RPTOR: variants seen among roughly 807,000 people sequenced by gnomAD.
RPTOR encodes regulatory associated protein of MTOR complex 1, also known as regulatory-associated protein of mTOR.
In RPTOR, 21 loss-of-function variants were observed where a neutral mutation model predicts 169.9. The observed-to-expected ratio is 0.12, with a 90% CI of 0.09 to 0.18. RPTOR has a LOEUF of 0.18. RPTOR is among the 10% of genes least tolerant of loss of function. The pLI, the probability that RPTOR is intolerant of heterozygous loss-of-function variation, is 1.00. For missense variants in RPTOR, 1,133 were observed against 1,855.9 expected, an observed-to-expected ratio of 0.61 and a Z score of 7.16; for synonymous variants, 732 against 753.2, an observed-to-expected ratio of 0.97 and a Z score of 0.46.
chr17:80,653,852 C>CT (rs2065659427), intron 3 of RPTOR, among the ~76,000 whole-genome samples: 1 of 152,218 alleles, frequency 6.6e-6, no homozygotes, highest in Non-Finnish European at 1.5e-5. Context: ...TGTTCACATC[C>CT]TAGTGGTCCC....
intron 6 of RPTOR, among the ~76,000 whole-genome samples, chr17:80,788,338 G>A (rs2067014660): frequency 6.6e-6 from 1 of 152,022 alleles, no homozygotes; most frequent in African/African-American, 2.4e-5. Flanking sequence ...CGGGCATGGT[G>A]GCGGGAGGCT....
chr17:80,629,343 G>A (rs56407431), intron 2 of RPTOR, among the ~76,000 whole-genome samples: 3,018 of 150,244 alleles, frequency 0.02, 109 homozygotes, highest in African/African-American at 0.071. Flanking sequence ...GTATTGTGTC[G>A]TTGGACATTG....
chr17:80,958,985 G>A (rs62068553), intron 29 of RPTOR, among the ~76,000 whole-genome samples: 1 of 152,188 alleles, frequency 6.6e-6, no homozygotes, highest in Non-Finnish European at 1.5e-5. Flanking sequence ...CCTCTCTCCC[G>A]GGCAGGCCAT....
chr17:80,643,919 T>G, intron 3 of RPTOR, 109 bp downstream of exon 3: 3 of 832,776 alleles, frequency 3.6e-6, no homozygotes, highest in Non-Finnish European at 5.7e-6. Context: ...CACCCTGCCC[T>G]TGTGTGGCAT....
At chr17:80,682,588 C>G (rs1435685614) in intron 3 of RPTOR, among the ~76,000 whole-genome samples, 14 of 152,214 alleles carry the variant, frequency 9.2e-5, no homozygotes. Context: ...GAGGCGTGCC[C>G]ACGGCCACCA....
At chr17:80,760,005 A>G (rs1052989202) in intron 6 of RPTOR, among the ~76,000 whole-genome samples, 1 of 152,142 alleles carries the variant, frequency 6.6e-6, no homozygotes, top group Non-Finnish European at 1.5e-5. Context: ...TCCCTGCCCT[A>G]GATCATTAGA....
At chr17:80,733,585 C>G (rs959577194) in intron 5 of RPTOR, among the ~76,000 whole-genome samples, 1 of 152,160 alleles carries the variant, frequency 6.6e-6, no homozygotes, top group African/African-American at 2.4e-5. Context: ...TTTAGATTAT[C>G]AGTGGGCTTT....
intron 6 of RPTOR, among the ~76,000 whole-genome samples, chr17:80,768,159 A>C (rs1406775259): frequency 1.3e-5 from 2 of 152,086 alleles, no homozygotes; most frequent in African/African-American, 4.8e-5. Flanking sequence ...ACCGCGCCTG[A>C]CCACGTGAAT....
At position 80,822,220 on chromosome 17, in the gene RPTOR, G is replaced by A. The variant is rs750696876; in HGVS notation, c.910G>A (p.Asp304Asn). 3 of 1,614,168 alleles carry A rather than the reference G, an allele frequency of 1.9e-6. No individual in the cohort carries two copies. The highest frequency in any genetic ancestry group is 1.7e-6 in the Non-Finnish European group (2 of 1,180,010). ...TTCTAGGATCCCTGGCCGCCTGAAC[G>A]ACAGGAGGACGCCCCTGGGTGAACT... ...LIEKIPGRLN[D>N]RRTPLGELNW... Residue 304 changes from aspartate to asparagine, a missense_variant, in exon 8 of 34, where the codon GAC (aspartate) becomes AAC (asparagine). Around this residue, in one of 9 missense-constraint regions of RPTOR, gnomAD observed 289 missense variants for 585.8 expected, o/e 0.49. Transcript: ENST00000306801.
intron 13 of RPTOR, among the ~76,000 whole-genome samples, chr17:80,864,349 T>C (rs1438146199): frequency 2.1e-5 from 3 of 143,336 alleles, no homozygotes; most frequent in African/African-American, 5.7e-5. Flanking sequence ...CTTACAGATT[T>C]CCTACAGATG....
chr17:80,742,770 A>T (rs1300995850), intron 5 of RPTOR, among the ~76,000 whole-genome samples: 2 of 152,062 alleles, frequency 1.3e-5, no homozygotes, highest in African/African-American at 2.4e-5. Context: ...AGACACGCAC[A>T]TGTATACATG....
At chr17:80,821,775 G>A (rs1389580687) in intron 7 of RPTOR, among the ~76,000 whole-genome samples, 1 of 152,190 alleles carries the variant, frequency 6.6e-6, no homozygotes, top group Non-Finnish European at 1.5e-5. Context: ...TAGACCTTGC[G>A]GGCGAGACTC....
intron 20 of RPTOR, among the ~76,000 whole-genome samples, chr17:80,903,605 A>G (rs990645675): frequency 6.6e-6 from 1 of 152,178 alleles, no homozygotes; most frequent in African/African-American, 2.4e-5. Flanking sequence ...GCTGGCCTCG[A>G]ACTCTTGGGC....
intron 28 of RPTOR, 126 bp downstream of exon 28, chr17:80,949,673 T>C: frequency 1.3e-6 from 1 of 743,390 alleles, no homozygotes; most frequent in Non-Finnish European, 2.3e-6. Context: ...CCCAGAATCC[T>C]AAAGCAACAG....
Position 80,940,299 on chromosome 17 carries a change from G to A in RPTOR, c.2920-197G>A, listed in dbSNP as rs1336883503. 5.7e-6 allele frequency: 3 copies of A among 526,388 alleles called. No individual in the cohort carries two copies. In the African/African-American group the frequency reaches 5.9e-5, roughly 10 times the overall value. The allele number at this position is 526,388 out of a possible 1,614,324, so 32.6% of individuals were successfully genotyped here. ...ACAGCGTTGACACTGTGTCGGGTAT[G>A]GCGGGCAAGCTAGCGAGGGTTTGAG... On this transcript the variant is annotated intron_variant, in intron 24 of 33. Coordinates refer to ENST00000306801, the MANE Select transcript of RPTOR (RefSeq NM_020761.3).
rs1400649971 is a variant in RPTOR, at chr17:80,844,976, G to T, written c.1213-1497G>T. 9.6e-5 allele frequency among the ~76,000 whole-genome samples: 14 copies of T among 145,280 alleles called. No homozygotes were observed. The highest frequency in any genetic ancestry group is 1.5e-4 in the Non-Finnish European group (10 of 65,998). ...GGATGGGAGAGAGAGGCTGGTAGTT[G>T]TTTTTTTTTTTTTCTTTAATTCTTT... On this transcript the variant is annotated intron_variant, in intron 10 of 33. Transcript: ENST00000306801. The surrounding 1 kb of genome is among the most constrained non-coding windows in gnomAD (Gnocchi z 4.7).
intron 1 of RPTOR, among the ~76,000 whole-genome samples, chr17:80,563,301 G>A (rs1015962188): frequency 6.6e-6 from 1 of 151,842 alleles, no homozygotes; most frequent in Non-Finnish European, 1.5e-5. Flanking sequence ...TGAGGAGGCT[G>A]AGGCGGGTGG....
At chr17:80,846,862 G>A (rs1366167563) in intron 11 of RPTOR, among the ~76,000 whole-genome samples, 1 of 152,212 alleles carries the variant, frequency 6.6e-6, no homozygotes, top group Admixed American at 6.5e-5. Flanking sequence ...TTTGGGACTG[G>A]GGAGTCATCA....
intron 4 of RPTOR, among the ~76,000 whole-genome samples, chr17:80,716,492 T>C (rs1477133401): frequency 6.6e-6 from 1 of 151,536 alleles, no homozygotes; most frequent in Non-Finnish European, 1.5e-5. Context: ...GTGTAGATTG[T>C]TAAGATTTTC....
Sources: gnomAD v4.1 joint callset for allele counts (sites outside exome capture counted in the v4.1 genomes callset) on GRCh38, gnomAD v4.1.1 for gene constraint, gnomAD v4.1.1 regional missense constraint, Gnocchi (gnomAD v3.1) non-coding constraint, MANE v1.5 for transcripts, NCBI Gene and HGNC (gene_info 2026-07-23, HGNC 2026-07-21) for gene names.